RASGRP3: variants seen among roughly 807,000 people sequenced by gnomAD.
RASGRP3 encodes the protein ras guanyl-releasing protein 3.
RASGRP3 carries 54 observed loss-of-function variants against 82.7 expected under a neutral mutation model. That is an observed-to-expected ratio of 0.65 (90% CI 0.52 to 0.82). The LOEUF (loss-of-function observed/expected upper bound fraction) is 0.82, where lower values mean the gene tolerates loss of function less well. Among genes scored for constraint, RASGRP3 ranks in the 40% least tolerant of loss-of-function variants. RASGRP3 has a pLI of 0.00. For missense variants in RASGRP3, 861 were observed against 828.9 expected (o/e 1.04, Z -0.48); for synonymous variants, 309 against 300.5 (o/e 1.03, Z -0.29).
Position 33,563,104 on chromosome 2 carries a change from A to C in RASGRP3, c.*367A>C, listed in dbSNP as rs969099366. ...ACTCAGACTTCGCTTTTTTTGTGAG[A>C]CTATCCTTTCAATATTTTTATAAAC... On this transcript the variant is annotated 3_prime_UTR_variant, in exon 18 of 18. Coordinates refer to ENST00000403687, the MANE Select transcript of RASGRP3 (RefSeq NM_001139488.2). 3.7e-5 allele frequency: 9 copies of C among 242,832 alleles called. No homozygotes were observed. Among genetic ancestry groups the C allele is most frequent in the African/African-American group, 1.3e-4 (6 of 44,746 alleles). The allele number at this position is 242,832 out of a possible 1,614,324, so 15.0% of individuals were successfully genotyped here.
chr2:33,550,688 T>C (rs913637148), intron 14 of RASGRP3, among the ~76,000 whole-genome samples: 1 of 152,206 alleles, frequency 6.6e-6, no homozygotes, highest in Non-Finnish European at 1.5e-5. Context: ...GTTAGCTTTA[T>C]TTGGCAGCCA....
intron 14 of RASGRP3, among the ~76,000 whole-genome samples, chr2:33,553,810 C>T (rs1429729661): frequency 1.3e-5 from 2 of 152,132 alleles, no homozygotes. Context: ...GCGATCTTGG[C>T]TCACTGCAAC....
At chr2:33,477,050 G>GA (rs70940207) in intron 1 of RASGRP3, among the ~76,000 whole-genome samples, 70,813 of 151,428 alleles carry the variant, frequency 0.47, 17,428 homozygotes, top group Non-Finnish European at 0.55. Context: ...TCAAAGTCAA[G>GA]TTCAGGTTAT....
intron 1 of RASGRP3, among the ~76,000 whole-genome samples, chr2:33,492,314 A>T (rs765205402): frequency 6.6e-6 from 1 of 152,182 alleles, no homozygotes; most frequent in South Asian, 2.1e-4. Flanking sequence ...TTTATTACAG[A>T]CCTGCTTCGA....
At chr2:33,540,555 T>TGTG (rs368439925) in intron 12 of RASGRP3, among the ~76,000 whole-genome samples, 2 of 15,932 alleles carry the variant, frequency 1.3e-4, no homozygotes, top group Non-Finnish European at 1.3e-4. Context: ...GTGTGTGTGT[T>TGTG]TTGTGTGTGT....
chr2:33,527,915 C>T (rs2151038125), intron 10 of RASGRP3, among the ~76,000 whole-genome samples: 1 of 152,300 alleles, frequency 6.6e-6, no homozygotes, highest in East Asian at 1.9e-4. Flanking sequence ...CAGTCTCCAA[C>T]CTTCTTTGCC....
intron 2 of RASGRP3, among the ~76,000 whole-genome samples, chr2:33,457,288 TA>T (rs1162838939): frequency 3.3e-5 from 5 of 152,210 alleles, no homozygotes; most frequent in Admixed American, 1.3e-4. Flanking sequence ...AAATTAGTCA[TA>T]TTTTTTTAAA....
intron 10 of RASGRP3, among the ~76,000 whole-genome samples, chr2:33,529,448 T>C (rs932523911): frequency 2.6e-5 from 3 of 117,028 alleles, no homozygotes; most frequent in African/African-American, 1.0e-4. Context: ...CGAGCCGAGA[T>C]GGTGCCACTG....
intron 2 of RASGRP3, among the ~76,000 whole-genome samples, chr2:33,471,072 G>A (rs1275973747): frequency 3.9e-5 from 6 of 152,090 alleles, no homozygotes; most frequent in Non-Finnish European, 2.9e-5. Flanking sequence ...TGATGCCTAT[G>A]TTTGATTTGA....
intron 1 of RASGRP3, among the ~76,000 whole-genome samples, chr2:33,494,498 G>A: frequency 6.6e-6 from 1 of 152,214 alleles, no homozygotes; most frequent in East Asian, 1.9e-4. Flanking sequence ...GGTCTACCGT[G>A]ATGAATATCT....
upstream of RASGRP3, among the ~76,000 whole-genome samples, chr2:33,475,745 C>T (rs560085798): frequency 2.6e-5 from 4 of 152,176 alleles, no homozygotes; most frequent in Non-Finnish European, 5.9e-5. Flanking sequence ...TCAGGTGAGA[C>T]ATATGAATTC....
intron 2 of RASGRP3, among the ~76,000 whole-genome samples, chr2:33,452,576 C>G (rs1665856238): frequency 6.6e-6 from 1 of 152,054 alleles, no homozygotes; most frequent in Non-Finnish European, 1.5e-5. Flanking sequence ...GGCCTGAAGT[C>G]TAGGTTCATG....
At chr2:33,445,332 C>A (rs979914849) in intron 1 of RASGRP3, among the ~76,000 whole-genome samples, 1 of 152,192 alleles carries the variant, frequency 6.6e-6, no homozygotes, top group Non-Finnish European at 1.5e-5. Context: ...CTGGAATGAT[C>A]ACATTTTTGG....
At chr2:33,467,980 TTTTCTTTCTTTCTTTCTTTCTTTC>T (rs60989460) in intron 2 of RASGRP3, among the ~76,000 whole-genome samples, 1,751 of 116,394 alleles carry the variant, frequency 0.015, 21 homozygotes, top group Middle Eastern at 0.037. Flanking sequence ...TGGTGAGGCT[TTTTCTTTCTTTCTTTCTTTCTTTC>T]TTTCTTTCTT....
intron 2 of RASGRP3, among the ~76,000 whole-genome samples, chr2:33,460,256 A>G (rs886768936): frequency 1.3e-5 from 2 of 152,232 alleles, no homozygotes; most frequent in Admixed American, 1.3e-4. Flanking sequence ...ATCAATGGCC[A>G]TGATACATTA....
intron 7 of RASGRP3, among the ~76,000 whole-genome samples, chr2:33,523,546 T>G (rs749853903): frequency 2.6e-5 from 4 of 152,146 alleles, no homozygotes; most frequent in Admixed American, 6.5e-5. Context: ...GGAACCAGCA[T>G]TTTACCAAGT....
intron 2 of RASGRP3, among the ~76,000 whole-genome samples, chr2:33,467,980 T>TTTCC: frequency 8.6e-6 from 1 of 116,302 alleles, no homozygotes; most frequent in Non-Finnish European, 1.9e-5. Context: ...TGGTGAGGCT[T>TTTCC]TTTCTTTCTT....
chr2:33,520,696 A>G lies in RASGRP3; in HGVS notation c.368+12A>G, dbSNP rs1671944076. 6.2e-7 allele frequency: 1 copy of G among 1,613,542 alleles called. No homozygotes were observed. The highest frequency in any genetic ancestry group is 1.3e-5 in the African/African-American group (1 of 74,934). ...GACATATCCAGCATGTAAGAGTGGCACCGACGTCTTTCACACCCAATAAGT... is the reference window on the plus strand; with the variant it reads ...GACATATCCAGCATGTAAGAGTGGCGCCGACGTCTTTCACACCCAATAAGT... On this transcript the variant is annotated intron_variant, in intron 6 of 17. Transcript: ENST00000403687.
At chr2:33,557,027 T>C (rs1242436513) in intron 15 of RASGRP3, among the ~76,000 whole-genome samples, 1 of 152,032 alleles carries the variant, frequency 6.6e-6, no homozygotes, top group Admixed American at 6.6e-5. Context: ...TGAAATAGAT[T>C]GAATACATCA....
Sources: allele counts gnomAD v4.1 joint callset (sites outside exome capture counted in the v4.1 genomes callset), GRCh38; gene constraint gnomAD v4.1.1; transcripts MANE v1.5; gene names NCBI Gene and HGNC (gene_info 2026-07-23, HGNC 2026-07-21).